Variants in CNTNAP4 observed in about 807,000 individuals in gnomAD.
CNTNAP4 encodes contactin-associated protein-like 4.
Under a neutral mutation model 148.4 loss-of-function variants are expected in CNTNAP4, and 98 were observed. The ratio of observed to expected loss-of-function variants is 0.66; its 90% CI spans 0.56 to 0.78. The LOEUF (loss-of-function observed/expected upper bound fraction) is 0.78, where lower values mean the gene tolerates loss of function less well. Among genes scored for constraint, CNTNAP4 ranks in the 30% least tolerant of loss-of-function variants. The pLI is 0.00. For synonymous variants in CNTNAP4, 730 were observed against 565.1 expected, an observed-to-expected ratio of 1.29 and a Z score of -4.14; for missense variants, 1,935 against 1,565.6, an observed-to-expected ratio of 1.24 and a Z score of -3.98.
At chr16:76,484,298 C>G (rs140300833) in intron 12 of CNTNAP4, among the ~76,000 whole-genome samples, 1,173 of 24,838 alleles carry the variant, frequency 0.047, 11 homozygotes, top group East Asian at 0.11. Context: ...AAAAAAAAGA[C>G]TGGAGTCACT....
chr16:76,554,856 CAT>C (rs2085124655), intron 23 of CNTNAP4, among the ~76,000 whole-genome samples: 1 of 152,072 alleles, frequency 6.6e-6, no homozygotes, highest in Non-Finnish European at 1.5e-5. Context: ...GAAAACTTCT[CAT>C]GTGGCTTTCA....
At chr16:76,394,013 T>C (rs911916617) in intron 3 of CNTNAP4, among the ~76,000 whole-genome samples, 1 of 152,340 alleles carries the variant, frequency 6.6e-6, no homozygotes, top group East Asian at 1.9e-4. Context: ...GATATGTGTC[T>C]TCATGGGGAT....
chr16:76,442,899 G>C (rs2080099691), intron 4 of CNTNAP4, among the ~76,000 whole-genome samples: 1 of 152,118 alleles, frequency 6.6e-6, no homozygotes, highest in Non-Finnish European at 1.5e-5. Flanking sequence ...GTTTGAGTGA[G>C]TATTCAAACC....
At chr16:76,367,105 A>G (rs567023011) in intron 3 of CNTNAP4, among the ~76,000 whole-genome samples, 2 of 151,948 alleles carry the variant, frequency 1.3e-5, no homozygotes, top group African/African-American at 4.8e-5. Context: ...ATGGTATAAG[A>G]ACACATGGGA....
Position 76,511,838 on chromosome 16 carries a change from G to GGAGAGAGAGAGAGAGAGAGA in CNTNAP4, c.2366-9297_2366-9278dup, listed in dbSNP as rs61708542. ...GTATTCTTGGAGCTTATATTTTCTT[G>GGAGAGAGAGAGAGAGAGAGA]GAGAGAGAGAGAGAGAGAGAGAGAC... On this transcript the variant is annotated intron_variant, in intron 15 of 23. Transcript: ENST00000611870. Among the ~76,000 whole-genome samples, 179 of 148,260 alleles carry GGAGAGAGAGAGAGAGAGAGA rather than the reference G, an allele frequency of 1.2e-3. No individual in the cohort carries two copies. The East Asian group carries it at 0.013, about 11-fold the overall frequency.
chr16:76,471,547 G>T (rs1169230160), intron 10 of CNTNAP4, among the ~76,000 whole-genome samples: 1 of 151,874 alleles, frequency 6.6e-6, no homozygotes. Flanking sequence ...CTACTATCCA[G>T]CCCTCAGGTT....
intron 1 of CNTNAP4, chr16:76,309,726 T>A: frequency 1.6e-6 from 1 of 613,812 alleles, no homozygotes; most frequent in South Asian, 1.8e-5. Context: ...GGGACCCAGG[T>A]GGAGGTAATT....
intron 4 of CNTNAP4, among the ~76,000 whole-genome samples, chr16:76,435,324 G>T (rs1205503026): frequency 2.0e-5 from 3 of 152,138 alleles, no homozygotes; most frequent in African/African-American, 7.2e-5. Flanking sequence ...TAGGAACACT[G>T]TGATTAATTA....
At chr16:76,518,017 A>G (rs2083312569) in intron 15 of CNTNAP4, among the ~76,000 whole-genome samples, 1 of 152,146 alleles carries the variant, frequency 6.6e-6, no homozygotes, top group African/African-American at 2.4e-5. Flanking sequence ...GAAATTCAAT[A>G]CTTAGTACAT....
intron 2 of CNTNAP4, among the ~76,000 whole-genome samples, chr16:76,328,671 G>C (rs1030605162): frequency 6.6e-6 from 1 of 151,772 alleles, no homozygotes; most frequent in African/African-American, 2.4e-5. Flanking sequence ...TTGAGATGGA[G>C]GTTTGCTCTT....
chr16:76,523,928 TCAA>T (rs969771559), intron 17 of CNTNAP4, among the ~76,000 whole-genome samples: 4 of 152,138 alleles, frequency 2.6e-5, no homozygotes, highest in African/African-American at 7.2e-5. Context: ...AGCCCCTGTC[TCAA>T]CAACAACAAC....
chr16:76,414,054 C>T (rs1469080056), intron 3 of CNTNAP4, among the ~76,000 whole-genome samples: 1 of 151,214 alleles, frequency 6.6e-6, no homozygotes, highest in African/African-American at 2.4e-5. Flanking sequence ...AAATATTTTT[C>T]TTGCCTTATT....
intron 2 of CNTNAP4, 55 bp from the exon 3 acceptor site, chr16:76,355,263 A>G: frequency 7.4e-7 from 1 of 1,358,220 alleles, no homozygotes; most frequent in Non-Finnish European, 9.9e-7. Context: ...ACAAACATAG[A>G]TTTTTAACTA....
intron 10 of CNTNAP4, among the ~76,000 whole-genome samples, chr16:76,473,587 C>T (rs750025062): frequency 5.3e-5 from 8 of 152,172 alleles, no homozygotes; most frequent in Non-Finnish European, 1.0e-4. Context: ...TCCTGGCTAA[C>T]ATGGTGAAGC....
At chr16:76,481,164 G>A (rs1017366177) in intron 12 of CNTNAP4, among the ~76,000 whole-genome samples, 2 of 152,202 alleles carry the variant, frequency 1.3e-5, no homozygotes. Flanking sequence ...TTTTCAACCA[G>A]TAGTGCTGGT....
At chr16:76,460,773 A>AAATATATATATATATATATATAT in intron 8 of CNTNAP4, among the ~76,000 whole-genome samples, 3 of 57,328 alleles carry the variant, frequency 5.2e-5, no homozygotes, top group African/African-American at 1.3e-4. Flanking sequence ...AAAAAAAAAA[A>AAATATATATATATATATATATAT]ATATATATAT....
At chr16:76,504,652 A>G (rs1481133132) in intron 15 of CNTNAP4, among the ~76,000 whole-genome samples, 1 of 152,144 alleles carries the variant, frequency 6.6e-6, no homozygotes, top group African/African-American at 2.4e-5. Context: ...CTTTAAAATG[A>G]CACTGTCGAG....
At chr16:76,281,844 A>G (rs909947347) in intron 1 of CNTNAP4, among the ~76,000 whole-genome samples, 8 of 151,966 alleles carry the variant, frequency 5.3e-5, no homozygotes, top group African/African-American at 1.9e-4. Flanking sequence ...GTAAAAAATA[A>G]TTATATGAAA....
chr16:76,448,762 C>G lies in CNTNAP4; in HGVS notation c.743-5C>G, dbSNP rs370452520. 3.1e-6 allele frequency: 5 copies of G among 1,587,440 alleles called. No homozygotes were observed. The Admixed American group carries it at 5.3e-5, about 17-fold the overall frequency. ...ATGGTGCTGTTATTTTTCTCCTCTT[C>G]TAAGGTGAAGCTAAACTGCCTTCCA... On this transcript the variant is annotated splice_polypyrimidine_tract_variant and splice_region_variant and intron_variant, in intron 5 of 23. Coordinates refer to ENST00000611870, the MANE Select transcript of CNTNAP4 (RefSeq NM_033401.5).
Sources: gnomAD v4.1 joint callset for allele counts (sites outside exome capture counted in the v4.1 genomes callset) on GRCh38, gnomAD v4.1.1 for gene constraint, MANE v1.5 for transcripts, NCBI Gene and HGNC (gene_info 2026-07-23, HGNC 2026-07-21) for gene names.